Variants in SEMA3E observed in about 807,000 individuals in gnomAD.
The protein encoded by SEMA3E is semaphorin 3E.
Under a neutral mutation model 93.6 loss-of-function variants are expected in SEMA3E, and 49 were observed. The ratio of observed to expected loss-of-function variants is 0.52; its 90% CI spans 0.42 to 0.66. The LOEUF (loss-of-function observed/expected upper bound fraction) is 0.66, where lower values mean the gene tolerates loss of function less well. Ranked by LOEUF, SEMA3E falls within the 30% of genes least tolerant of loss-of-function variation. SEMA3E has a pLI of 0.00. For synonymous variants in SEMA3E, 363 were observed against 330.7 expected (o/e 1.10, Z -1.06); for missense variants, 906 against 964.8 (o/e 0.94, Z 0.81).
intron 1 of SEMA3E, among the ~76,000 whole-genome samples, chr7:83,493,446 A>G (rs1790423803): frequency 6.6e-6 from 1 of 151,982 alleles, no homozygotes; most frequent in South Asian, 2.1e-4. Context: ...ATATGTCTGG[A>G]TACATAAAAC....
chr7:83,538,646 T>C (rs1791457414), intron 1 of SEMA3E, among the ~76,000 whole-genome samples: 1 of 152,222 alleles, frequency 6.6e-6, no homozygotes, highest in Non-Finnish European at 1.5e-5. Flanking sequence ...ATCAATAATT[T>C]TGATAGCTGA....
intron 12 of SEMA3E, 115 bp from the exon 13 acceptor site, chr7:83,394,453 C>T (rs2115590123): frequency 2.4e-6 from 2 of 833,248 alleles, no homozygotes; most frequent in East Asian, 5.3e-5. Context: ...GTGTTAAGTA[C>T]TGTATAGCTT....
chr7:83,412,951 G>T (rs540936634), intron 5 of SEMA3E, among the ~76,000 whole-genome samples: 2 of 151,800 alleles, frequency 1.3e-5, no homozygotes, highest in Admixed American at 6.6e-5. Flanking sequence ...TTCAAAAATT[G>T]ATCCCCAAGA....
Position 83,367,720 on chromosome 7 carries a change from C to A in SEMA3E, c.2194G>T (p.Val732Leu). The A allele has an allele frequency of 6.2e-7, 1 of 1,614,108 alleles. No homozygotes were observed. Among genetic ancestry groups the A allele is most frequent in the Non-Finnish European group, 8.5e-7 (1 of 1,180,018 alleles). The change falls in exon 17 of 17, where the codon GTA becomes TTA. Residue 732 changes from valine to leucine, a missense_variant. By Grantham distance (32) the Val-to-Leu change is conservative. Transcript: ENST00000643230. Reference sequence around the variant, plus strand: ...TTCCTCTTTCTATCTGTGCACCATACTTTCTCGCAGTATTCTTCCACTCTC... The same window carrying A: ...TTCCTCTTTCTATCTGTGCACCATAATTTCTCGCAGTATTCTTCCACTCTC... Reference protein sequence around the residue: ...FQRVEEYCEKVWCTDRKRKKL... With the variant: ...FQRVEEYCEKLWCTDRKRKKL...
chr7:83,626,326 A>G (rs998502923), intron 1 of SEMA3E, among the ~76,000 whole-genome samples: 1 of 152,114 alleles, frequency 6.6e-6, no homozygotes, highest in African/African-American at 2.4e-5. Context: ...CTGTGAATCC[A>G]TCTGGTCCTG....
Position 83,418,478 on chromosome 7 carries a change from A to G in SEMA3E, c.462T>C (p.Pro154=). The change falls in exon 5 of 17, where the codon CCT becomes CCC. Residue 154 remains proline (P), a synonymous_variant. Coordinates refer to ENST00000643230, the MANE Select transcript of SEMA3E (RefSeq NM_012431.3). ...ATCTGGGTGATTCCAGGTGAAACAG[A>G]GGATCCTTGAAAGAAAACCAGAAAA... ...FIRVGYHLED[P]LFHLESPRSE... 1 of 1,609,388 alleles carries G rather than the reference A, an allele frequency of 6.2e-7. No homozygotes were observed. Among genetic ancestry groups the G allele is most frequent in the Non-Finnish European group, 8.5e-7 (1 of 1,177,218 alleles).
intron 1 of SEMA3E, among the ~76,000 whole-genome samples, chr7:83,561,579 A>G (rs182971761): frequency 1.1e-3 from 164 of 152,182 alleles, no homozygotes; most frequent in Non-Finnish European, 1.8e-3. Context: ...TTTTTTAAGC[A>G]TCTGCCCTTT....
At chr7:83,442,728 T>C (rs941834728) in intron 4 of SEMA3E, among the ~76,000 whole-genome samples, 4 of 152,118 alleles carry the variant, frequency 2.6e-5, no homozygotes, top group African/African-American at 7.2e-5. Flanking sequence ...CTACATCATG[T>C]AGAGTTACGT....
At chr7:83,432,927 AC>A (rs1038481099) in intron 4 of SEMA3E, among the ~76,000 whole-genome samples, 1 of 152,092 alleles carries the variant, frequency 6.6e-6, no homozygotes, top group African/African-American at 2.4e-5. Flanking sequence ...TTTTCAAATC[AC>A]CCAAGAAAAC....
chr7:83,391,949 C>T (rs1326375366), intron 14 of SEMA3E, among the ~76,000 whole-genome samples: 1 of 152,086 alleles, frequency 6.6e-6, no homozygotes, highest in African/African-American at 2.4e-5. Flanking sequence ...AAAGAATGCA[C>T]AACTTCATAT....
chr7:83,496,587 A>G (rs1790495522), intron 1 of SEMA3E, among the ~76,000 whole-genome samples: 2 of 152,004 alleles, frequency 1.3e-5, no homozygotes, highest in Non-Finnish European at 2.9e-5. Context: ...AAATATTTCT[A>G]TCTAATTTGC....
intron 3 of SEMA3E, among the ~76,000 whole-genome samples, chr7:83,468,530 T>C (rs995598434): frequency 1.3e-5 from 2 of 151,998 alleles, no homozygotes. Context: ...GTTGGTATAA[T>C]GTGTGTTAGT....
In SEMA3E at chr7:83,454,776, G is replaced by T. The variant is rs1789446852; in HGVS notation, c.456+11706C>A. The stretch of plus-strand genomic sequence containing the variant: ...AAAATATGGTGTTCAAGCTCTCAGG[G>T]ATCGATGAGATAACGTGTAACACAT... On this transcript the variant is annotated intron_variant, in intron 4 of 16. Transcript: ENST00000643230. 4.6e-5 allele frequency among the ~76,000 whole-genome samples: 7 copies of T among 152,206 alleles called. No homozygotes were observed. The South Asian group carries it at 1.5e-3, about 32-fold the overall frequency.
intron 16 of SEMA3E, among the ~76,000 whole-genome samples, chr7:83,374,941 G>T (rs1247399843): frequency 1.3e-5 from 2 of 151,796 alleles, no homozygotes; most frequent in Non-Finnish European, 2.9e-5. Flanking sequence ...AAAAAAACAA[G>T]AGCCAAAATC....
intron 1 of SEMA3E, among the ~76,000 whole-genome samples, chr7:83,585,261 C>T (rs1162122842): frequency 6.6e-6 from 1 of 152,132 alleles, no homozygotes; most frequent in Non-Finnish European, 1.5e-5. Context: ...ACCAGAGCCT[C>T]CCATTGTTTT....
rs997807847 is a variant in SEMA3E at position 83,365,164 on chromosome 7, G to A, written c.*2422C>T. On this transcript the variant is annotated 3_prime_UTR_variant, in exon 17 of 17. Coordinates refer to ENST00000643230, the MANE Select transcript of SEMA3E (RefSeq NM_012431.3). ...AGGGGTGTGTGTGTGTGTGTGTTGG[G>A]AGAGAGAGGGAGAAACTGAGAAAAT... The A allele has an allele frequency of 3.3e-5, 5 of 152,040 alleles. No individual in the cohort carries two copies. Among genetic ancestry groups the A allele is most frequent in the Admixed American group, 1.3e-4 (2 of 15,240 alleles). 9.4% of individuals were successfully genotyped at this position (152,040 alleles called of 1,614,324 possible).
intron 1 of SEMA3E, among the ~76,000 whole-genome samples, chr7:83,568,296 A>G (rs531641542): frequency 2.0e-5 from 3 of 152,286 alleles, no homozygotes; most frequent in Non-Finnish European, 2.9e-5. Flanking sequence ...ATTCTATCAA[A>G]TGGGTAAAGA....
intron 1 of SEMA3E, among the ~76,000 whole-genome samples, chr7:83,512,141 T>C (rs1790838280): frequency 6.6e-6 from 1 of 152,136 alleles, no homozygotes; most frequent in African/African-American, 2.4e-5. Context: ...CCAAAAATGG[T>C]TTTATTTCAC....
intron 10 of SEMA3E, among the ~76,000 whole-genome samples, chr7:83,401,211 A>G (rs568385603): frequency 6.6e-6 from 1 of 152,240 alleles, no homozygotes; most frequent in East Asian, 1.9e-4. Flanking sequence ...AAAACCTTTA[A>G]ATGTGTTGAT....
Sources: allele counts gnomAD v4.1 joint callset (sites outside exome capture counted in the v4.1 genomes callset), GRCh38; gene constraint gnomAD v4.1.1; transcripts MANE v1.5; gene names NCBI Gene and HGNC (gene_info 2026-07-23, HGNC 2026-07-21).